MTUS2: variants seen among roughly 807,000 people sequenced by gnomAD.
MTUS2 encodes microtubule-associated tumor suppressor candidate 2.
In MTUS2, 40 loss-of-function variants were observed where a neutral mutation model predicts 114.1. That is an observed-to-expected ratio of 0.35 (90% CI 0.27 to 0.46). The LOEUF (loss-of-function observed/expected upper bound fraction) is 0.46. Among genes scored for constraint, MTUS2 ranks in the 20% least tolerant of loss-of-function variants. The pLI, the probability that MTUS2 is intolerant of heterozygous loss-of-function variation, is 1.00. For synonymous variants in MTUS2, 688 were observed against 672.0 expected (o/e 1.02, Z -0.37); for missense variants, 1,679 against 1,705.4 (o/e 0.98, Z 0.27).
chr13:29,427,526 A>T (rs1405054013), intron 8 of MTUS2, among the ~76,000 whole-genome samples: 1 of 152,262 alleles, frequency 6.6e-6, no homozygotes, highest in African/African-American at 2.4e-5. Flanking sequence ...TGATAGGTAC[A>T]GCCAAGTCGC....
intron 5 of MTUS2, among the ~76,000 whole-genome samples, chr13:29,202,061 A>G (rs140964139): frequency 0.025 from 3,824 of 152,216 alleles, 158 homozygotes; most frequent in African/African-American, 0.087. Context: ...GTCTTGCTAG[A>G]TTGAGGAAGT....
intron 2 of MTUS2, among the ~76,000 whole-genome samples, chr13:28,919,104 A>T (rs1171385255): frequency 6.6e-6 from 1 of 152,172 alleles, no homozygotes; most frequent in African/African-American, 2.4e-5. Flanking sequence ...AGAGTAGTTT[A>T]CACAGCACAC....
chr13:28,894,018 T>TA (rs1470612735), intron 2 of MTUS2, among the ~76,000 whole-genome samples: 1 of 151,888 alleles, frequency 6.6e-6, no homozygotes, highest in African/African-American at 2.4e-5. Flanking sequence ...GTTGAGAACT[T>TA]AGAGTTGTAT....
chr13:29,145,244 G>A (rs1892383335), intron 5 of MTUS2, among the ~76,000 whole-genome samples: 1 of 152,130 alleles, frequency 6.6e-6, no homozygotes, highest in African/African-American at 2.4e-5. Flanking sequence ...AAATGAGTAA[G>A]GACACAGTGG....
At chr13:29,495,894 T>TTC (rs1040521303) in intron 12 of MTUS2, among the ~76,000 whole-genome samples, 2 of 151,320 alleles carry the variant, frequency 1.3e-5, no homozygotes, top group African/African-American at 4.9e-5. Flanking sequence ...GTCTCTCTTT[T>TTC]TCTCTCTCTC....
intron 6 of MTUS2, among the ~76,000 whole-genome samples, chr13:29,287,717 T>G (rs1273087921): frequency 6.6e-6 from 1 of 152,248 alleles, no homozygotes; most frequent in East Asian, 1.9e-4. Context: ...TAAATTTTTA[T>G]GAGTGTAATA....
chr13:29,012,803 G>A (rs1243904078), intron 2 of MTUS2, among the ~76,000 whole-genome samples: 5 of 152,042 alleles, frequency 3.3e-5, no homozygotes, highest in African/African-American at 1.2e-4. Context: ...GAACCCGGGA[G>A]GCAGAGGTTG....
intron 5 of MTUS2, among the ~76,000 whole-genome samples, chr13:29,182,144 T>C (rs1207014431): frequency 1.3e-5 from 2 of 152,298 alleles, no homozygotes; most frequent in East Asian, 3.9e-4. Flanking sequence ...ATCTATAGCT[T>C]GGAGTGGACT....
At chr13:29,069,752 A>C (rs1465201306) in intron 4 of MTUS2, among the ~76,000 whole-genome samples, 3 of 152,228 alleles carry the variant, frequency 2.0e-5, no homozygotes, top group Non-Finnish European at 2.9e-5. Context: ...GATTTAGCTG[A>C]AGCGTATGGC....
chr13:29,321,430 T>A (rs1380032919), intron 6 of MTUS2, among the ~76,000 whole-genome samples: 1 of 152,132 alleles, frequency 6.6e-6, no homozygotes, highest in East Asian at 1.9e-4. Context: ...GTAAAAAAAA[T>A]GGCAAGAAGA....
intron 9 of MTUS2, among the ~76,000 whole-genome samples, chr13:29,475,756 G>A (rs1377234799): frequency 2.6e-4 from 39 of 152,158 alleles, no homozygotes; most frequent in Admixed American, 2.6e-3. Flanking sequence ...GTGCATTTTA[G>A]GCTAAGTGTT....
chr13:29,492,963 A>G (rs768295764), intron 12 of MTUS2, among the ~76,000 whole-genome samples: 3 of 152,242 alleles, frequency 2.0e-5, no homozygotes, highest in Admixed American at 6.5e-5. Context: ...CAGTTGGTGA[A>G]TGCTACAGAC....
intron 2 of MTUS2, among the ~76,000 whole-genome samples, chr13:29,017,491 C>T (rs1251735912): frequency 2.0e-5 from 3 of 152,196 alleles, no homozygotes; most frequent in East Asian, 1.9e-4. Context: ...TTTCGAAACC[C>T]ATGCCTCCTT....
intron 8 of MTUS2, among the ~76,000 whole-genome samples, chr13:29,374,795 G>T (rs1467142091): frequency 1.3e-5 from 2 of 151,928 alleles, no homozygotes; most frequent in African/African-American, 4.8e-5. Flanking sequence ...TACTCGGGAG[G>T]CTGACCTGTA....
chr13:28,852,340 C>T (rs1408419280), intron 2 of MTUS2, among the ~76,000 whole-genome samples: 1 of 152,096 alleles, frequency 6.6e-6, no homozygotes, highest in Non-Finnish European at 1.5e-5. Flanking sequence ...GGCTCTTATT[C>T]TCCGTTATTT....
chr13:28,932,845 TTAAAA>T (rs1408420573), intron 2 of MTUS2, among the ~76,000 whole-genome samples: 5 of 152,192 alleles, frequency 3.3e-5, no homozygotes, highest in African/African-American at 1.2e-4. Context: ...GTTCTAAGGC[TTAAAA>T]TAAAATAATC....
intron 9 of MTUS2, among the ~76,000 whole-genome samples, chr13:29,446,762 G>T (rs1337282638): frequency 1.3e-5 from 2 of 152,116 alleles, no homozygotes; most frequent in South Asian, 2.1e-4. Flanking sequence ...TGTTGCTAGG[G>T]TTGCCTTATA....
chr13:29,107,666 C>T (rs1890722865), intron 5 of MTUS2, among the ~76,000 whole-genome samples: 1 of 152,086 alleles, frequency 6.6e-6, no homozygotes, highest in African/African-American at 2.4e-5. Context: ...CACAAGTATC[C>T]AGTAACCTAT....
chr13:28,958,078 G>A (rs1566251714), intron 2 of MTUS2, among the ~76,000 whole-genome samples: 1 of 152,202 alleles, frequency 6.6e-6, no homozygotes, highest in Non-Finnish European at 1.5e-5. Context: ...TGCTGGAATT[G>A]TCAGCGTTGG....
Sources: allele counts gnomAD v4.1 joint callset (sites outside exome capture counted in the v4.1 genomes callset), GRCh38; gene constraint gnomAD v4.1.1; transcripts MANE v1.5; gene names NCBI Gene and HGNC (gene_info 2026-07-23, HGNC 2026-07-21).